Variants in ZNF234 observed in about 807,000 individuals in gnomAD.
ZNF234 encodes the protein C2-H2 type zinc finger protein.
ZNF234 carries 4 observed loss-of-function variants against 10.3 expected under a neutral mutation model. That is an observed-to-expected ratio of 0.39 (90% CI 0.19 to 0.89). ZNF234 has a LOEUF of 0.89. Ranked by LOEUF, ZNF234 falls within the 40% of genes least tolerant of loss-of-function variation. ZNF234 has a pLI of 0.38. For synonymous variants in ZNF234, 258 were observed against 280.1 expected, an observed-to-expected ratio of 0.92 and a Z score of 0.79; for missense variants, 711 against 836.1, an observed-to-expected ratio of 0.85 and a Z score of 1.85.
At chr19:44,155,330 C>G (rs1447610582) in intron 5 of ZNF234, among the ~76,000 whole-genome samples, 1 of 152,178 alleles carries the variant, frequency 6.6e-6, no homozygotes. Flanking sequence ...CCAAGTATAA[C>G]TTTTGACTCC....
intron 5 of ZNF234, among the ~76,000 whole-genome samples, chr19:44,152,541 G>C (rs1261332610): frequency 6.6e-6 from 1 of 152,186 alleles, no homozygotes; most frequent in African/African-American, 2.4e-5. Context: ...CTCATACCAT[G>C]AAAACTTACA....
rs1221312010 is a variant in ZNF234, at chr19:44,156,763, A to G, written c.747A>G (p.Val249=). ...TCAGTCGTAGATCAACACTTACTGT[A>G]CATTGCAAATTACACTCAGGAGAGA... ...KGFSRRSTLT[V]HCKLHSGEKP... The change falls in exon 6 of 6, where the codon GTA becomes GTG. Residue 249 remains valine, a synonymous_variant. Transcript: ENST00000426739. 6.2e-7 allele frequency: 1 copy of G among 1,613,368 alleles called. No homozygotes were observed. The highest frequency in any genetic ancestry group is 8.5e-7 in the Non-Finnish European group (1 of 1,179,604).
chr19:44,150,481 G>A lies in ZNF234; in HGVS notation c.211G>A (p.Ala71Thr), dbSNP rs754372153. 6.3e-7 allele frequency: 1 copy of A among 1,583,686 alleles called. No homozygotes were observed. Among genetic ancestry groups the A allele is most frequent in the South Asian group, 1.2e-5 (1 of 86,578 alleles). ...KEKKLDIMKT[A>T]TQRKGKSADK... ...AAAAAAGCTTGATATAATGAAGACA[G>A]CAACTCAAAGAAAAGGGAAATCAGG... Residue 71 changes from alanine (A) to threonine (T), a missense_variant, in exon 5 of 6, where the codon GCA becomes ACA. By Grantham distance (58) the Ala-to-Thr change is moderately conservative (BLOSUM62 0). Coordinates refer to ENST00000426739, the MANE Select transcript of ZNF234 (RefSeq NM_006630.3).
chr19:44,148,883 A>G lies in ZNF234; in HGVS notation c.128A>G (p.Asn43Ser). 1 of 1,613,608 alleles carries G rather than the reference A, an allele frequency of 6.2e-7. No individual in the cohort carries two copies. Among genetic ancestry groups the G allele is most frequent in the Non-Finnish European group, 8.5e-7 (1 of 1,179,712 alleles). Residue 43 changes from asparagine (N) to serine (S), a missense_variant, in exon 4 of 6, where the codon AAC (asparagine) becomes AGC (serine). Transcript: ENST00000426739. ...GATGTGATGCTGGAGAACTTCAGGA[A>G]CCTGCTGTCAGTGGGTGAGGACATG... ...YQDVMLENFR[N>S]LLSVGHHPFK...
chr19:44,155,200 A>T (rs1968847222), intron 5 of ZNF234, among the ~76,000 whole-genome samples: 1 of 152,212 alleles, frequency 6.6e-6, no homozygotes, highest in African/African-American at 2.4e-5. Context: ...AGCTCATTTA[A>T]TGTCTGTCAA....
At chr19:44,153,160 T>TATATATATATA (rs1568552108) in intron 5 of ZNF234, among the ~76,000 whole-genome samples, 122 of 64,896 alleles carry the variant, frequency 1.9e-3, no homozygotes, top group African/African-American at 0.012. Context: ...TAATCATGTA[T>TATATATATATA]TCATCATATA....
intron 5 of ZNF234, among the ~76,000 whole-genome samples, chr19:44,154,622 CTTTTTCTTTTT>C (rs1968830258): frequency 9.2e-6 from 1 of 109,124 alleles, no homozygotes; most frequent in Non-Finnish European, 1.7e-5. Context: ...ATTTTTTTCT[CTTTTTCTTTTT>C]TTTTTTTTTT....
chr19:44,147,310 C>T (rs891338232), intron 3 of ZNF234, among the ~76,000 whole-genome samples: 2 of 151,948 alleles, frequency 1.3e-5, no homozygotes, highest in Non-Finnish European at 2.9e-5. Context: ...GATCATCGCT[C>T]ACCACAACCT....
chr19:44,151,111 G>A (rs1021399127), intron 5 of ZNF234, among the ~76,000 whole-genome samples: 1 of 151,744 alleles, frequency 6.6e-6, no homozygotes, highest in Non-Finnish European at 1.5e-5. Context: ...AGAGTCCTGC[G>A]TGGTCTGCTG....
chr19:44,148,518 G>C (rs1968657035), intron 3 of ZNF234, among the ~76,000 whole-genome samples: 1 of 152,168 alleles, frequency 6.6e-6, no homozygotes, highest in South Asian at 2.1e-4. Flanking sequence ...TAGAGTTCTA[G>C]ATGGTTACTT....
chr19:44,156,351 T>C lies in ZNF234; in HGVS notation c.335T>C (p.Ile112Thr). The stretch of plus-strand genomic sequence containing the variant: ...TGGAAACAGATTGCAAGTGATTTAA[T>C]CAAGTATGAAGACTCTATGATAAGT... ...QIWKQIASDLIKYEDSMISIS... is the reference protein window; with the variant it reads ...QIWKQIASDLTKYEDSMISIS... Residue 112 changes from isoleucine (I) to threonine (T), a missense_variant, in exon 6 of 6, where the codon ATC becomes ACC. Coordinates refer to ENST00000426739, the MANE Select transcript of ZNF234 (RefSeq NM_006630.3). The C allele has an allele frequency of 6.2e-7, 1 of 1,611,174 alleles. No homozygotes were observed. Among genetic ancestry groups the C allele is most frequent in the Non-Finnish European group, 8.5e-7 (1 of 1,179,090 alleles).
rs10528022 is a variant in ZNF234, at chr19:44,153,165, C to CATATATATATATATATATATATATAT, written c.235+2661_235+2686dup. Among the ~76,000 whole-genome samples the CATATATATATATATATATATATATAT allele has an allele frequency of 2.5e-3, 249 of 97,738 alleles. 5 individuals carry two copies. The highest frequency in any genetic ancestry group is 3.5e-3 in the Non-Finnish European group (176 of 50,446). 64.1% of individuals were successfully genotyped at this position (97,738 alleles called of 152,430 possible). ...TTGTTAAATCTAATCATGTATTCAT[C>CATATATATATATATATATATATATAT]ATATATATATATATATATATATATA... On this transcript the variant is annotated intron_variant, in intron 5 of 5. Coordinates refer to ENST00000426739, the MANE Select transcript of ZNF234 (RefSeq NM_006630.3).
rs574331745 is a variant in ZNF234, at chr19:44,158,913, G to T, written c.*794G>T. On this transcript the variant is annotated 3_prime_UTR_variant, in exon 6 of 6. Coordinates refer to ENST00000426739, the MANE Select transcript of ZNF234 (RefSeq NM_006630.3). ...TTGTAGGTGTGCTCAATACTTGTTT[G>T]TTAACTGAATCAAAAGGAGTAAATG... 1 of 152,300 alleles carries T rather than the reference G, an allele frequency of 6.6e-6. No homozygotes were observed. The highest frequency in any genetic ancestry group is 1.5e-5 in the Non-Finnish European group (1 of 68,050). The allele number at this position is 152,300 out of a possible 1,614,324, so 9.4% of individuals were successfully genotyped here.
chr19:44,150,969 T>C (rs1968729098), intron 5 of ZNF234, among the ~76,000 whole-genome samples: 1 of 151,386 alleles, frequency 6.6e-6, no homozygotes, highest in Admixed American at 6.6e-5. Context: ...AAGAGGCAGG[T>C]TGCAGTGAGC....
chr19:44,146,806 CTTTTTTTTTTTTTTTT>C (rs60083912), intron 3 of ZNF234, among the ~76,000 whole-genome samples: 1 of 83,286 alleles, frequency 1.2e-5, no homozygotes, highest in Non-Finnish European at 2.5e-5. Context: ...CTCTCTCTCT[CTTTTTTTTTTTTTTTT>C]TTTTTTTTTT....
At position 44,157,681 on chromosome 19, in the gene ZNF234, T is replaced by G. The variant is rs1274840319; in HGVS notation, c.1665T>G (p.Leu555=). 1.4e-5 allele frequency: 22 copies of G among 1,613,736 alleles called. No individual in the cohort carries two copies. Among genetic ancestry groups the G allele is most frequent in the Non-Finnish European group, 1.6e-5 (19 of 1,179,986 alleles). ...CGKSFSRSAH[L]QAHQKVHTGE... The stretch of plus-strand genomic sequence containing the variant: ...AGAGCTTCAGTCGGAGTGCACACCT[T>G]CAAGCCCATCAAAAAGTCCACACTG... Residue 555 remains leucine (L), a synonymous_variant, in exon 6 of 6, where the codon CTT becomes CTG. Coordinates refer to ENST00000426739, the MANE Select transcript of ZNF234 (RefSeq NM_006630.3).
chr19:44,150,963 G>A (rs1307526404), intron 5 of ZNF234, among the ~76,000 whole-genome samples: 1 of 151,680 alleles, frequency 6.6e-6, no homozygotes, highest in East Asian at 1.9e-4. Context: ...GAACCCAAGA[G>A]GCAGGTTGCA....
intron 3 of ZNF234, chr19:44,148,556 G>C: frequency 1.5e-6 from 1 of 646,062 alleles, no homozygotes; most frequent in African/African-American, 1.8e-5. Context: ...AGCCACAAAG[G>C]AATTGAAGGC....
chr19:44,159,227 G>A lies in ZNF234; in HGVS notation c.*1108G>A, dbSNP rs1968981738. On this transcript the variant is annotated 3_prime_UTR_variant, in exon 6 of 6. Coordinates refer to ENST00000426739, the MANE Select transcript of ZNF234 (RefSeq NM_006630.3). The stretch of plus-strand genomic sequence containing the variant: ...GGACCTCGCTCTGTCACCGAGGCTG[G>A]AGTGCAGTGGCATAATCATGGCTCA... 1 of 152,344 alleles carries A rather than the reference G, an allele frequency of 6.6e-6. No homozygotes were observed. The highest frequency in any genetic ancestry group is 2.4e-5 in the African/African-American group (1 of 41,412). The allele number at this position is 152,344 out of a possible 1,614,324, so 9.4% of individuals were successfully genotyped here. A position where few individuals can be genotyped will look rare whatever the true frequency, so the allele number is the denominator to read the frequency against.
Sources: allele counts gnomAD v4.1 joint callset (sites outside exome capture counted in the v4.1 genomes callset), GRCh38; gene constraint gnomAD v4.1.1; transcripts MANE v1.5; gene names NCBI Gene and HGNC (gene_info 2026-07-23, HGNC 2026-07-21).